ALDH1A3: variants seen among roughly 807,000 people sequenced by gnomAD.
ALDH1A3 encodes aldehyde dehydrogenase 1 family member A3.
In ALDH1A3, 28 loss-of-function variants were observed where a neutral mutation model predicts 57.5. The observed-to-expected ratio is 0.49, with a 90% CI of 0.36 to 0.67. The LOEUF is 0.67. Among genes scored for constraint, ALDH1A3 ranks in the 30% least tolerant of loss-of-function variants. ALDH1A3 has a pLI of 0.00. For missense variants in ALDH1A3, 507 were observed against 669.4 expected, an observed-to-expected ratio of 0.76 and a Z score of 2.68; for synonymous variants, 281 against 264.8, an observed-to-expected ratio of 1.06 and a Z score of -0.59.
At chr15:100,910,449 C>G (rs538518681) in intron 12 of ALDH1A3, among the ~76,000 whole-genome samples, 1 of 152,360 alleles carries the variant, frequency 6.6e-6, no homozygotes, top group Non-Finnish European at 1.5e-5. Flanking sequence ...GTACTGGCAA[C>G]AGCTGGGATT....
In ALDH1A3 at chr15:100,887,771, C is replaced by G. The variant is rs2041611321; in HGVS notation, c.345+59C>G. 1.3e-6 allele frequency: 2 copies of G among 1,518,002 alleles called. No homozygotes were observed. The highest frequency in any genetic ancestry group is 1.8e-6 in the Non-Finnish European group (2 of 1,127,686). 94.0% of individuals were successfully genotyped at this position (1,518,002 alleles called of 1,614,324 possible). A position where few individuals can be genotyped will look rare whatever the true frequency, so the allele number is the denominator to read the frequency against. On this transcript the variant is annotated intron_variant, in intron 3 of 12. Coordinates refer to ENST00000329841, the MANE Select transcript of ALDH1A3 (RefSeq NM_000693.4). This position sits in a 1 kb window ranked among gnomAD's most constrained non-coding sequence, Gnocchi z 4.6. ...GAGCCAGCCTCACTGAGGGTCCTGT[C>G]CACCATGGGGTATGGGAAAAAAGAT...
chr15:100,896,536 C>T (rs1158670266), intron 7 of ALDH1A3, among the ~76,000 whole-genome samples: 5 of 152,106 alleles, frequency 3.3e-5, no homozygotes, highest in Non-Finnish European at 7.4e-5. Flanking sequence ...CAAACAAAAT[C>T]AGACTTTCCT....
intron 7 of ALDH1A3, among the ~76,000 whole-genome samples, chr15:100,897,083 G>C (rs907859158): frequency 2.6e-5 from 4 of 152,156 alleles, no homozygotes; most frequent in Non-Finnish European, 5.9e-5. Flanking sequence ...AAAAACACCC[G>C]CTGCAATCAG....
chr15:100,892,353 T>G, intron 3 of ALDH1A3, 157 bp from the exon 4 acceptor site: 4 of 939,088 alleles, frequency 4.3e-6, no homozygotes, highest in Non-Finnish European at 6.3e-6. Flanking sequence ...TCGCTTTACA[T>G]TTGGTGTCAT....
chr15:100,911,160 C>T (rs2041878998), intron 12 of ALDH1A3, among the ~76,000 whole-genome samples: 1 of 152,238 alleles, frequency 6.6e-6, no homozygotes, highest in Non-Finnish European at 1.5e-5. Context: ...CCTGGAAAAC[C>T]AATTTCTGTC....
Position 100,906,061 on chromosome 15 carries a change from A to C in ALDH1A3, c.1233+374A>C, listed in dbSNP as rs949327222. 3.3e-5 allele frequency among the ~76,000 whole-genome samples: 5 copies of C among 152,158 alleles called. No individual in the cohort carries two copies. Among genetic ancestry groups the C allele is most frequent in the African/African-American group, 1.2e-4 (5 of 41,420 alleles). ...TTGCCACCTGTGGGTTTTGCCAGGA[A>C]TCAGTTCAAGAACCTGTGGATTCAG... is the stretch of plus-strand genomic sequence containing the variant. On this transcript the variant is annotated intron_variant, in intron 10 of 12. Transcript: ENST00000329841. This position sits in a 1 kb window ranked among gnomAD's most constrained non-coding sequence, Gnocchi z 4.8.
At chr15:100,909,002 A>G (rs568382658) in intron 12 of ALDH1A3, among the ~76,000 whole-genome samples, 201 of 152,228 alleles carry the variant, frequency 1.3e-3, no homozygotes, top group African/African-American at 4.6e-3. Flanking sequence ...AGCCTACTGC[A>G]AATCCCTCCA....
At chr15:100,902,047 T>C (rs1178801336) in intron 9 of ALDH1A3, among the ~76,000 whole-genome samples, 1 of 152,242 alleles carries the variant, frequency 6.6e-6, no homozygotes, top group East Asian at 1.9e-4. Context: ...AACGCAAACA[T>C]GACCACAAGT....
At chr15:100,892,831 G>C in intron 4 of ALDH1A3, 114 bp from the exon 5 acceptor site, 1 of 1,356,348 alleles carries the variant, frequency 7.4e-7, no homozygotes, top group Non-Finnish European at 1.0e-6. Flanking sequence ...CTGTATAATA[G>C]ACAAGACTTG....
Position 100,900,684 on chromosome 15 carries a change from C to T in ALDH1A3, c.993C>T (p.Val331=). 3 of 1,614,070 alleles carry T rather than the reference C, an allele frequency of 1.9e-6. No individual in the cohort carries two copies. Among genetic ancestry groups the T allele is most frequent in the African/African-American group, 1.3e-5 (1 of 75,018 alleles). ...FVEEQVYSEF[V]RRSVEYAKKR... ...AGGAGCAGGTCTACTCTGAGTTTGT[C>T]AGGCGGAGCGTGGAGTATGCCAAGA... The change falls in exon 9 of 13, where the codon GTC becomes GTT. Residue 331 remains valine, a synonymous_variant. Coordinates refer to ENST00000329841, the MANE Select transcript of ALDH1A3 (RefSeq NM_000693.4).
intron 7 of ALDH1A3, among the ~76,000 whole-genome samples, chr15:100,897,605 T>C (rs1247193375): frequency 2.0e-5 from 3 of 152,240 alleles, no homozygotes; most frequent in Non-Finnish European, 2.9e-5. Context: ...GCTACTTCTC[T>C]AACACTTGGA....
At chr15:100,908,525 TA>T in intron 12 of ALDH1A3, 43 bp downstream of exon 12, 3 of 1,517,798 alleles carry the variant, frequency 2.0e-6, no homozygotes, top group Non-Finnish European at 2.7e-6. Flanking sequence ...GGCTGAACAC[TA>T]GATCCACTAG....
chr15:100,897,982 G>T, intron 7 of ALDH1A3, 101 bp from the exon 8 acceptor site: 2 of 1,090,866 alleles, frequency 1.8e-6, no homozygotes, highest in Non-Finnish European at 2.7e-6. Flanking sequence ...CCAGGTGGTG[G>T]CACTGCCACC....
intron 8 of ALDH1A3, among the ~76,000 whole-genome samples, chr15:100,899,663 G>A (rs1189919016): frequency 6.6e-6 from 1 of 152,140 alleles, no homozygotes; most frequent in Admixed American, 6.5e-5. Context: ...GTTCCAAGTT[G>A]GGACCTGGCC....
At chr15:100,904,848 C>T (rs2041806859) in intron 9 of ALDH1A3, among the ~76,000 whole-genome samples, 1 of 152,166 alleles carries the variant, frequency 6.6e-6, no homozygotes, top group African/African-American at 2.4e-5. Flanking sequence ...AGGAGCAGCC[C>T]TGCCACCCCA....
chr15:100,905,798 T>A, intron 10 of ALDH1A3, 111 bp downstream of exon 10: 3 of 1,133,468 alleles, frequency 2.6e-6, no homozygotes, highest in Non-Finnish European at 3.7e-6. Flanking sequence ...TTTTTTGTTT[T>A]TGTTGCTGTT....
rs4646665 is a variant in ALDH1A3 at position 100,892,723 on chromosome 15, C to G, written c.475+84C>G. On this transcript the variant is annotated intron_variant, in intron 4 of 12. Transcript: ENST00000329841. ...AATCCAGAGCCCCCCCTGACTGTTT[C>G]CCTAAGGCACCATTCCCAACCCCAC... 291 of 1,514,918 alleles carry G rather than the reference C, an allele frequency of 1.9e-4. 3 individuals are homozygous for G. In the East Asian group the frequency reaches 5.6e-3, roughly 29 times the overall value. 93.8% of individuals were successfully genotyped at this position (1,514,918 alleles called of 1,614,324 possible).
rs181891520 is a variant in ALDH1A3 at position 100,904,722 on chromosome 15, G to A, written c.1069-801G>A. 8.5e-5 allele frequency among the ~76,000 whole-genome samples: 13 copies of A among 152,320 alleles called. No homozygotes were observed. The East Asian group carries it at 1.5e-3, about 18-fold the overall frequency. On this transcript the variant is annotated intron_variant, in intron 9 of 12. Transcript: ENST00000329841. ...GCGCTTTTGACAACTGCTCAGTAGC[G>A]TGTTCACAAGCTGTGGGTCAGGCTG...
At chr15:100,905,333 TG>T (rs1053556375) in intron 9 of ALDH1A3, among the ~76,000 whole-genome samples, 189 bp from the exon 10 acceptor site, 5 of 152,236 alleles carry the variant, frequency 3.3e-5, no homozygotes, top group African/African-American at 1.2e-4. Context: ...ATCTCTCCCC[TG>T]CTCCAAAGAG....
Sources: allele counts gnomAD v4.1 joint callset (sites outside exome capture counted in the v4.1 genomes callset), GRCh38; gene constraint gnomAD v4.1.1; non-coding constraint Gnocchi (gnomAD v3.1); transcripts MANE v1.5; gene names NCBI Gene and HGNC (gene_info 2026-07-23, HGNC 2026-07-21).